The following DNMT3B variants were observed in gnomAD, a reference collection of about 807,000 sequenced individuals.
DNMT3B encodes the protein DNA methyltransferase 3 beta.
In DNMT3B, 37 loss-of-function variants were observed where a neutral mutation model predicts 120.2. That is an observed-to-expected ratio of 0.31 (90% CI 0.24 to 0.40). The LOEUF (loss-of-function observed/expected upper bound fraction) is 0.40. Among genes scored for constraint, DNMT3B ranks in the 10% least tolerant of loss-of-function variants. The probability of loss-of-function intolerance (pLI) is 1.00; values close to 1 mark genes in which losing one functional copy is unlikely to be tolerated. For missense variants in DNMT3B, 878 were observed against 1,137.3 expected, an observed-to-expected ratio of 0.77 and a Z score of 3.28; for synonymous variants, 412 against 442.8, an observed-to-expected ratio of 0.93 and a Z score of 0.87.
intron 1 of DNMT3B, among the ~76,000 whole-genome samples, chr20:32,778,018 CT>C (rs1348579360): frequency 6.6e-5 from 10 of 152,188 alleles, no homozygotes; most frequent in African/African-American, 2.4e-4. Flanking sequence ...CTAGGCATGA[CT>C]TGTGTGTGTT....
intron 20 of DNMT3B, among the ~76,000 whole-genome samples, chr20:32,804,324 T>C (rs1296900840): frequency 6.6e-6 from 1 of 152,162 alleles, no homozygotes; most frequent in East Asian, 1.9e-4. Flanking sequence ...AGTGTCCTTT[T>C]CTTCTGGGCC....
chr20:32,762,974 G>A (rs892774862), intron 1 of DNMT3B, among the ~76,000 whole-genome samples: 1 of 152,130 alleles, frequency 6.6e-6, no homozygotes, highest in Non-Finnish European at 1.5e-5. Flanking sequence ...CGCGTCTGCT[G>A]CCTCCAGGAG....
At position 32,796,860 on chromosome 20, in the gene DNMT3B, G is replaced by C; in HGVS notation, c.1368G>C (p.Gln456His). 1 of 1,614,194 alleles carries C rather than the reference G, an allele frequency of 6.2e-7. No individual in the cohort carries two copies. Among genetic ancestry groups the C allele is most frequent in the Non-Finnish European group, 8.5e-7 (1 of 1,180,032 alleles). ...FHPLFEGGLC[Q>H]TCRDRFLELF... ...CTCTCTTTGAGGGGGGGCTCTGTCA[G>C]ACATGCCGGGTAAGTCCTCCTACTA... is the stretch of plus-strand genomic sequence containing the variant. The change falls in exon 13 of 23, where the codon CAG becomes CAC. Residue 456 changes from glutamine (Q) to histidine (H), a missense_variant. By Grantham distance (24) the Gln-to-His change is conservative. This residue lies in a region of DNMT3B where 207 missense variants were observed against 222.6 expected (regional missense o/e 0.93). Transcript: ENST00000328111.
rs1293534637 is a variant in DNMT3B at position 32,793,417 on chromosome 20, G to C, written c.1067-119G>C. On this transcript the variant is annotated intron_variant, in intron 9 of 22. Coordinates refer to ENST00000328111, the MANE Select transcript of DNMT3B (RefSeq NM_006892.4). ...CAGGAGGCAGAGGTTGCAGTGCGCC[G>C]AGATCGCACCACTGCATTCAAGCCT... is the stretch of plus-strand genomic sequence containing the variant. 6 of 1,160,268 alleles carry C rather than the reference G, an allele frequency of 5.2e-6. No homozygotes were observed. The Admixed American group carries it at 9.6e-5, about 19-fold the overall frequency. 71.9% of individuals were successfully genotyped at this position (1,160,268 alleles called of 1,614,324 possible). A position where few individuals can be genotyped will look rare whatever the true frequency, so the allele number is the denominator to read the frequency against.
At chr20:32,797,150 G>C in intron 13 of DNMT3B, 37 bp from the exon 14 acceptor site, 1 of 1,610,684 alleles carries the variant, frequency 6.2e-7, no homozygotes, top group African/African-American at 1.3e-5. Flanking sequence ...CCCTTCTCTG[G>C]TCTCCGATTT....
At chr20:32,766,949 G>A (rs1359710489) in intron 1 of DNMT3B, among the ~76,000 whole-genome samples, 1 of 152,036 alleles carries the variant, frequency 6.6e-6, no homozygotes, top group Non-Finnish European at 1.5e-5. Context: ...GGAGTGCAAT[G>A]GCGTGGTCTC....
chr20:32,773,934 G>GTTTTTTTT lies in DNMT3B; in HGVS notation c.-6-6365_-6-6358dup, dbSNP rs1161730284. Among the ~76,000 whole-genome samples the GTTTTTTTT allele has an allele frequency of 2.2e-4, 15 of 69,152 alleles. 2 individuals are homozygous for GTTTTTTTT. The South Asian group carries it at 3.1e-3, about 14-fold the overall frequency. The allele number at this position is 69,152 out of a possible 152,430, so 45.4% of individuals were successfully genotyped here. ...GCATGAGCCACTGCGCCCGGCAGTGGTTTTTTTTTTTTTTTTTTTTTTTTT... is the reference window on the plus strand; with the variant it reads ...GCATGAGCCACTGCGCCCGGCAGTGGTTTTTTTTTTTTTTTTTTTTTTTTTTTTTTTTT... On this transcript the variant is annotated intron_variant, in intron 1 of 22. Transcript: ENST00000328111.
chr20:32,792,952 G>T (rs948768309), intron 9 of DNMT3B, among the ~76,000 whole-genome samples, 182 bp downstream of exon 9: 3 of 152,186 alleles, frequency 2.0e-5, no homozygotes, highest in Non-Finnish European at 4.4e-5. Flanking sequence ...TGGCTTCCCC[G>T]GCCACTTTCT....
At chr20:32,801,716 C>T (rs1298655481) in intron 19 of DNMT3B, among the ~76,000 whole-genome samples, 6 of 152,112 alleles carry the variant, frequency 3.9e-5, no homozygotes, top group African/African-American at 1.4e-4. Context: ...TCCCAAATGG[C>T]TGGGACTACA....
chr20:32,785,746 A>G (rs1283538510), intron 4 of DNMT3B, among the ~76,000 whole-genome samples: 1 of 152,196 alleles, frequency 6.6e-6, no homozygotes, highest in Non-Finnish European at 1.5e-5. Flanking sequence ...ATTTTTGACA[A>G]TGAACATGGA....
chr20:32,782,087 C>T (rs1978694236), intron 3 of DNMT3B, among the ~76,000 whole-genome samples: 1 of 152,168 alleles, frequency 6.6e-6, no homozygotes, highest in Admixed American at 6.6e-5. Flanking sequence ...ACAAATCTTC[C>T]AGCCGTGAAA....
chr20:32,772,016 T>C (rs1987776817), intron 1 of DNMT3B, among the ~76,000 whole-genome samples: 1 of 152,230 alleles, frequency 6.6e-6, no homozygotes, highest in Admixed American at 6.5e-5. Flanking sequence ...GATGTTGCAT[T>C]ATGCAGGTTT....
At chr20:32,764,201 C>G (rs1010966854) in intron 1 of DNMT3B, among the ~76,000 whole-genome samples, 10 of 152,154 alleles carry the variant, frequency 6.6e-5, no homozygotes, top group Non-Finnish European at 1.3e-4. Context: ...CATTGCTCTC[C>G]GTGCCTTAAT....
chr20:32,799,512 A>AT (rs1018741977), intron 16 of DNMT3B, among the ~76,000 whole-genome samples, 184 bp downstream of exon 16: 6 of 152,034 alleles, frequency 3.9e-5, no homozygotes, highest in African/African-American at 1.2e-4. Context: ...AGTCTTGGTC[A>AT]TTGAGTTTTA....
intron 18 of DNMT3B, 87 bp from the exon 19 acceptor site, chr20:32,801,191 A>G: frequency 1.3e-6 from 2 of 1,599,630 alleles, no homozygotes; most frequent in Admixed American, 1.7e-5. Context: ...TCAGGAGGCC[A>G]TTGGGAACCT....
chr20:32,772,434 G>A (rs977797702), intron 1 of DNMT3B, among the ~76,000 whole-genome samples: 3 of 152,174 alleles, frequency 2.0e-5, no homozygotes, highest in African/African-American at 4.8e-5. Context: ...AAGGTTGAGG[G>A]GGTCTCTTTC....
chr20:32,779,043 G>A (rs949301658), intron 1 of DNMT3B, among the ~76,000 whole-genome samples: 2 of 152,170 alleles, frequency 1.3e-5, no homozygotes, highest in East Asian at 3.9e-4. Context: ...ATGTCTCCAC[G>A]ATGGAGCCCG....
intron 1 of DNMT3B, among the ~76,000 whole-genome samples, chr20:32,772,718 T>A (rs2145866834): frequency 6.6e-6 from 1 of 152,300 alleles, no homozygotes; most frequent in East Asian, 1.9e-4. Flanking sequence ...TCATATCTTT[T>A]CAGATCTTTA....
chr20:32,777,599 G>T (rs1988131637), intron 1 of DNMT3B, among the ~76,000 whole-genome samples: 1 of 152,172 alleles, frequency 6.6e-6, no homozygotes. Context: ...TTGGGGAGGT[G>T]GACCCTCCTG....
Sources: allele counts gnomAD v4.1 joint callset (sites outside exome capture counted in the v4.1 genomes callset), GRCh38; gene constraint gnomAD v4.1.1; regional missense constraint gnomAD v4.1.1; transcripts MANE v1.5; gene names NCBI Gene and HGNC (gene_info 2026-07-23, HGNC 2026-07-21).